Variants in SMCHD1 observed in about 807,000 individuals in gnomAD.
The protein encoded by SMCHD1 is structural maintenance of chromosomes flexible hinge domain-containing protein 1.
A neutral mutation model predicts 254.7 loss-of-function variants in SMCHD1; 78 were observed. The ratio of observed to expected loss-of-function variants is 0.31; its 90% CI spans 0.26 to 0.37. The LOEUF is 0.37. Among genes scored for constraint, SMCHD1 ranks in the 10% least tolerant of loss-of-function variants. SMCHD1 has a pLI of 1.00. For synonymous variants in SMCHD1, 766 were observed against 794.9 expected (o/e 0.96, Z 0.61); for missense variants, 1,840 against 2,408.1 (o/e 0.76, Z 4.94).
At chr18:2,668,583 CTCCCATCTTA>C (rs2073503425) in intron 3 of SMCHD1, among the ~76,000 whole-genome samples, 2 of 152,258 alleles carry the variant, frequency 1.3e-5, no homozygotes, top group South Asian at 4.1e-4. Context: ...AAAAGCTCTT[CTCCCATCTTA>C]AAAACACTAA....
chr18:2,751,768 G>C (rs1031606180), intron 33 of SMCHD1, among the ~76,000 whole-genome samples: 2 of 152,048 alleles, frequency 1.3e-5, no homozygotes, highest in African/African-American at 2.4e-5. Context: ...AGAGGGTCTA[G>C]AACAGTGCTG....
At chr18:2,723,096 C>A (rs1568236452) in intron 20 of SMCHD1, among the ~76,000 whole-genome samples, 1 of 152,106 alleles carries the variant, frequency 6.6e-6, no homozygotes, top group East Asian at 1.9e-4. Context: ...TTCTGTTTTA[C>A]TTTCTGATAA....
intron 39 of SMCHD1, among the ~76,000 whole-genome samples, chr18:2,770,901 T>C (rs536102928): frequency 7.9e-5 from 12 of 152,302 alleles, no homozygotes; most frequent in East Asian, 3.9e-4. Context: ...GGATTACAGG[T>C]GTTAGCCACC....
At chr18:2,661,491 T>C (rs2073251924) in intron 1 of SMCHD1, among the ~76,000 whole-genome samples, 1 of 152,056 alleles carries the variant, frequency 6.6e-6, no homozygotes, top group Admixed American at 6.5e-5. Context: ...ATCTGTGGGT[T>C]TTTAATATGG....
intron 24 of SMCHD1, among the ~76,000 whole-genome samples, chr18:2,731,872 A>G (rs1440758693): frequency 6.6e-6 from 1 of 152,050 alleles, no homozygotes; most frequent in African/African-American, 2.4e-5. Flanking sequence ...TTATCCATGC[A>G]TGGTGGTAGG....
At chr18:2,723,862 C>G (rs1276881407) in intron 20 of SMCHD1, among the ~76,000 whole-genome samples, 1 of 151,992 alleles carries the variant, frequency 6.6e-6, no homozygotes, top group Admixed American at 6.6e-5. Context: ...TGAACAGTAC[C>G]TGGGCACTCG....
At chr18:2,784,751 G>A in intron 45 of SMCHD1, 130 bp downstream of exon 45, 1 of 1,059,066 alleles carries the variant, frequency 9.4e-7, no homozygotes. Flanking sequence ...TAAGTAAGAT[G>A]TTTTTGTCTA....
chr18:2,748,235 C>T (rs545170427), intron 30 of SMCHD1, among the ~76,000 whole-genome samples: 1 of 151,036 alleles, frequency 6.6e-6, no homozygotes, highest in African/African-American at 2.4e-5. Flanking sequence ...GATTAGGTAT[C>T]ATTTATTCCT....
intron 45 of SMCHD1, among the ~76,000 whole-genome samples, chr18:2,790,703 G>C (rs892020242): frequency 2.0e-5 from 3 of 152,232 alleles, no homozygotes; most frequent in Admixed American, 1.3e-4. Flanking sequence ...AGAGGTTGCA[G>C]TAAGCCAAGA....
intron 17 of SMCHD1, among the ~76,000 whole-genome samples, chr18:2,709,531 T>C (rs2074620387): frequency 6.6e-6 from 1 of 152,186 alleles, no homozygotes; most frequent in African/African-American, 2.4e-5. Flanking sequence ...CCACTTGTTA[T>C]TTCCTGTGGG....
At position 2,769,741 on chromosome 18, in the gene SMCHD1, T is replaced by C. The variant is rs1321473950; in HGVS notation, c.4767T>C (p.Tyr1589=). ...GTCCTGGAAGGGATAGTACTGAATA[T>C]TTTATTGTATTTGAGCCCCGGCTAC... is the stretch of plus-strand genomic sequence containing the variant. ...ESSPGRDSTE[Y]FIVFEPRLPL... Residue 1589 remains tyrosine, a synonymous_variant, in exon 38 of 48, where the codon TAT becomes TAC. Coordinates refer to ENST00000320876, the MANE Select transcript of SMCHD1 (RefSeq NM_015295.3). The C allele has an allele frequency of 6.2e-7, 1 of 1,602,186 alleles. No homozygotes were observed. The highest frequency in any genetic ancestry group is 1.7e-5 in the Admixed American group (1 of 58,346).
In SMCHD1 at chr18:2,718,069, T is replaced by C; in HGVS notation, c.2261-89T>C. The C allele has an allele frequency of 3.2e-6, 3 of 947,122 alleles. No homozygotes were observed. The South Asian group carries it at 4.8e-5, about 15-fold the overall frequency. 58.7% of individuals were successfully genotyped at this position (947,122 alleles called of 1,614,324 possible). On this transcript the variant is annotated intron_variant, in intron 17 of 47. Transcript: ENST00000320876. The surrounding 1 kb of genome is among the most constrained non-coding windows in gnomAD (Gnocchi z 4.6). ...AAAGCAGGTTTTAAAATACAGCAAA[T>C]AGGTATTTGGTGCCAATGTGACATT...
intron 8 of SMCHD1, among the ~76,000 whole-genome samples, chr18:2,695,179 G>A (rs2074260044): frequency 6.6e-6 from 1 of 151,928 alleles, no homozygotes; most frequent in African/African-American, 2.4e-5. Context: ...AAAAATATAC[G>A]TACATATGTG....
chr18:2,800,276 G>A (rs2076337097), intron 47 of SMCHD1, among the ~76,000 whole-genome samples: 1 of 152,030 alleles, frequency 6.6e-6, no homozygotes, highest in Non-Finnish European at 1.5e-5. Context: ...AGCCTAGAAT[G>A]TACCAGATTT....
chr18:2,762,034 T>C (rs952886492), intron 35 of SMCHD1, 71 bp from the exon 36 acceptor site: 5 of 1,280,294 alleles, frequency 3.9e-6, no homozygotes, highest in African/African-American at 2.9e-5. Context: ...GCCATTGTTA[T>C]GTCTTCCCTT....
intron 1 of SMCHD1, among the ~76,000 whole-genome samples, chr18:2,662,565 A>C (rs1189115910): frequency 6.6e-6 from 1 of 151,736 alleles, no homozygotes; most frequent in East Asian, 1.9e-4. Flanking sequence ...GAATGGTGTG[A>C]ACCCGGGCGG....
At position 2,656,237 on chromosome 18, in the gene SMCHD1, G is replaced by T. The variant is rs766395572; in HGVS notation, c.162G>T (p.Ala54=). ...AGGTCGGGGAGCGCTCGGACTACGCGGGATTTCGCGCGTGTGTGTGTCAGG... is the reference window on the plus strand; with the variant it reads ...AGGTCGGGGAGCGCTCGGACTACGCTGGATTTCGCGCGTGTGTGTGTCAGG... ...PLQVGERSDY[A]GFRACVCQTL... Residue 54 remains alanine (A), a synonymous_variant, in exon 1 of 48, where the codon GCG becomes GCT. Transcript: ENST00000320876. The T allele has an allele frequency of 2.9e-5, 44 of 1,502,724 alleles. No homozygotes were observed. The highest frequency in any genetic ancestry group is 5.5e-5 in the Admixed American group (2 of 36,566). 93.1% of individuals were successfully genotyped at this position (1,502,724 alleles called of 1,614,324 possible). A position where few individuals can be genotyped will look rare whatever the true frequency, so the allele number is the denominator to read the frequency against.
Position 2,751,287 on chromosome 18 carries a change from T to C in SMCHD1, c.4175T>C (p.Ile1392Thr). The C allele has an allele frequency of 6.5e-7, 1 of 1,540,716 alleles. No individual in the cohort carries two copies. The highest frequency in any genetic ancestry group is 8.8e-7 in the Non-Finnish European group (1 of 1,135,106). ...ACGTTTACCATGACAGATTTTATGATTAGTGTTATTTCTGAAGATGACAGT... is the reference window on the plus strand; with the variant it reads ...ACGTTTACCATGACAGATTTTATGACTAGTGTTATTTCTGAAGATGACAGT... ...LAGGLFTDFM[I>T]SVISEDDSII... The change falls in exon 33 of 48, where the codon ATT (isoleucine) becomes ACT (threonine). Residue 1392 changes from isoleucine (I) to threonine (T), a missense_variant. Physicochemically the swap from Ile to Thr is moderately conservative, Grantham distance 89. Around this residue, in one of 9 missense-constraint regions of SMCHD1, gnomAD observed 881 missense variants for 1,009.5 expected, o/e 0.87. Transcript: ENST00000320876.
intron 47 of SMCHD1, among the ~76,000 whole-genome samples, chr18:2,797,838 AC>A (rs552870921): frequency 6.2e-4 from 95 of 152,158 alleles, no homozygotes; most frequent in Non-Finnish European, 1.2e-3. Context: ...AATTGCTTGA[AC>A]CCAAGAAGCG....
Sources: gnomAD v4.1 joint callset for allele counts (sites outside exome capture counted in the v4.1 genomes callset) on GRCh38, gnomAD v4.1.1 for gene constraint, gnomAD v4.1.1 regional missense constraint, Gnocchi (gnomAD v3.1) non-coding constraint, MANE v1.5 for transcripts, NCBI Gene and HGNC (gene_info 2026-07-23, HGNC 2026-07-21) for gene names.